Variants in LIN28B observed in about 807,000 individuals in gnomAD.
The protein encoded by LIN28B is lin-28 RNA binding posttranscriptional regulator B.
Under a neutral mutation model 21.9 loss-of-function variants are expected in LIN28B, and 5 were observed. The observed-to-expected ratio is 0.23, with a 90% confidence interval of 0.12 to 0.48. The LOEUF is 0.48. LIN28B is among the 20% of genes least tolerant of loss of function. The pLI, the probability that LIN28B is intolerant of heterozygous loss-of-function variation, is 0.98. For synonymous variants in LIN28B, 109 were observed against 111.3 expected (o/e 0.98, Z 0.13); for missense variants, 245 against 310.5 (o/e 0.79, Z 1.58).
chr6:104,967,076 G>C (rs1375963931), intron 2 of LIN28B, among the ~76,000 whole-genome samples: 2 of 151,396 alleles, frequency 1.3e-5, no homozygotes, highest in African/African-American at 4.9e-5. Flanking sequence ...CCTCACTCTG[G>C]TTTTCTTTAG....
At chr6:105,067,163 A>C (rs886762528) in intron 3 of LIN28B, among the ~76,000 whole-genome samples, 25 of 152,206 alleles carry the variant, frequency 1.6e-4, no homozygotes, top group Admixed American at 3.3e-4. Flanking sequence ...CTAAGCAAGC[A>C]CCTAATTTTA....
chr6:105,012,289 G>A (rs994496614), intron 2 of LIN28B, among the ~76,000 whole-genome samples: 1 of 151,858 alleles, frequency 6.6e-6, no homozygotes, highest in Non-Finnish European at 1.5e-5. Context: ...CCAAAATGGT[G>A]AAACCCTGTC....
intron 2 of LIN28B, among the ~76,000 whole-genome samples, chr6:105,005,561 T>A (rs1403741547): frequency 6.6e-6 from 1 of 152,184 alleles, no homozygotes. Flanking sequence ...TCTCTTGAGA[T>A]ATGATGGGTT....
intron 3 of LIN28B, among the ~76,000 whole-genome samples, chr6:105,055,124 T>A (rs1261731415): frequency 6.6e-6 from 1 of 152,116 alleles, no homozygotes; most frequent in African/African-American, 2.4e-5. Flanking sequence ...GTGTGGGATT[T>A]TGGGGGATTT....
chr6:105,050,299 T>C (rs1771871482), intron 3 of LIN28B, among the ~76,000 whole-genome samples: 1 of 152,130 alleles, frequency 6.6e-6, no homozygotes, highest in Non-Finnish European at 1.5e-5. Context: ...GGGTTGAAAA[T>C]TCTTTTCTTT....
intron 2 of LIN28B, among the ~76,000 whole-genome samples, chr6:104,994,311 A>T (rs76028647): frequency 1.3e-5 from 2 of 152,232 alleles, no homozygotes; most frequent in Admixed American, 6.5e-5. Flanking sequence ...ACCGATAAAA[A>T]CATTTTTTAA....
chr6:104,943,192 G>A (rs978248171), intron 2 of LIN28B, among the ~76,000 whole-genome samples: 14 of 152,118 alleles, frequency 9.2e-5, no homozygotes, highest in Middle Eastern at 3.4e-3. Context: ...CCCAAAATAC[G>A]GTGAATTTAA....
In LIN28B at chr6:104,963,190, G is replaced by A. The variant is rs35522865; in HGVS notation, c.198+4904G>A. ...GCCTCCTGAGTAGCTGGGACTACAGGCGCCCGCCACCACGCCCGGCTAATT... is the reference window on the plus strand; with the variant it reads ...GCCTCCTGAGTAGCTGGGACTACAGACGCCCGCCACCACGCCCGGCTAATT... On this transcript the variant is annotated intron_variant, in intron 2 of 3. Transcript: ENST00000345080. Among the ~76,000 whole-genome samples the A allele has an allele frequency of 8.0e-3, 1,211 of 152,184 alleles. 13 individuals are homozygous for A. Among genetic ancestry groups the A allele is most frequent in the Non-Finnish European group, 0.014 (953 of 68,002 alleles).
intron 2 of LIN28B, among the ~76,000 whole-genome samples, chr6:104,948,669 A>C (rs932222902): frequency 2.0e-5 from 3 of 152,202 alleles, no homozygotes; most frequent in African/African-American, 7.2e-5. Context: ...ATAGTTGTTC[A>C]GTCAATATTG....
intron 2 of LIN28B, among the ~76,000 whole-genome samples, chr6:104,984,807 A>C (rs939794668): frequency 2.0e-5 from 3 of 152,232 alleles, no homozygotes; most frequent in African/African-American, 7.2e-5. Flanking sequence ...ATTCATTGAG[A>C]ATGTTATGAG....
intron 3 of LIN28B, among the ~76,000 whole-genome samples, chr6:105,047,557 A>C (rs980357542): frequency 3.9e-5 from 6 of 152,188 alleles, no homozygotes; most frequent in African/African-American, 1.2e-4. Context: ...CTGTGAAGAA[A>C]GTCATTCGTA....
chr6:104,939,344 A>T (rs1778052783), intron 2 of LIN28B: 1 of 152,256 alleles, frequency 6.6e-6, no homozygotes, highest in Non-Finnish European at 1.5e-5. Flanking sequence ...GTGAAAAGGC[A>T]TCTTTAAAGT....
At chr6:105,007,735 G>A (rs1229969990) in intron 2 of LIN28B, among the ~76,000 whole-genome samples, 3 of 151,992 alleles carry the variant, frequency 2.0e-5, no homozygotes, top group Admixed American at 6.6e-5. Flanking sequence ...TCACTGTGTT[G>A]CCCAGGCTTG....
rs182215405 is a variant in LIN28B at position 105,047,149 on chromosome 6, A to T, written c.383+20667A>T. Among the ~76,000 whole-genome samples the T allele has an allele frequency of 5.5e-3, 839 of 152,240 alleles. 9 individuals carry two copies. The highest frequency in any genetic ancestry group is 0.019 in the African/African-American group (802 of 41,534). ...TTTCTTCTAGGGTTTTTATGGTTTT[A>T]GGTCTAACATTTAAGTCTTTAATTC... On this transcript the variant is annotated intron_variant, in intron 3 of 3. Coordinates refer to ENST00000345080, the MANE Select transcript of LIN28B (RefSeq NM_001004317.4).
At chr6:105,073,738 C>T (rs1263891764) in intron 3 of LIN28B, among the ~76,000 whole-genome samples, 1 of 152,044 alleles carries the variant, frequency 6.6e-6, no homozygotes, top group African/African-American at 2.4e-5. Context: ...TGGTATCGCC[C>T]CTCTTCCCAA....
chr6:105,040,332 A>G (rs1047497866), intron 3 of LIN28B, among the ~76,000 whole-genome samples: 1 of 152,018 alleles, frequency 6.6e-6, no homozygotes, highest in Non-Finnish European at 1.5e-5. Context: ...AAATTTATTA[A>G]GATTATTCTA....
At chr6:105,061,817 A>G (rs954917490) in intron 3 of LIN28B, among the ~76,000 whole-genome samples, 2 of 152,026 alleles carry the variant, frequency 1.3e-5, no homozygotes, top group Non-Finnish European at 2.9e-5. Flanking sequence ...TCCCTTTTTT[A>G]TTAGATTTGA....
At chr6:105,012,123 A>C (rs927353562) in intron 2 of LIN28B, among the ~76,000 whole-genome samples, 1 of 152,036 alleles carries the variant, frequency 6.6e-6, no homozygotes, top group African/African-American at 2.4e-5. Flanking sequence ...GCGCCACTGC[A>C]CTTCAGCCTG....
intron 3 of LIN28B, among the ~76,000 whole-genome samples, chr6:105,049,540 C>T (rs765563652): frequency 5.9e-5 from 9 of 152,126 alleles, no homozygotes; most frequent in Non-Finnish European, 1.2e-4. Flanking sequence ...GAGCTGAGTT[C>T]AATTCCTGGA....
Sources: allele counts gnomAD v4.1 joint callset (sites outside exome capture counted in the v4.1 genomes callset), GRCh38; gene constraint gnomAD v4.1.1; transcripts MANE v1.5; gene names NCBI Gene and HGNC (gene_info 2026-07-23, HGNC 2026-07-21).